Variants in TOGARAM1 observed in about 807,000 individuals in gnomAD.
The protein encoded by TOGARAM1 is TOG array regulator of axonemal microtubules protein 1.
A neutral mutation model predicts 166.6 loss-of-function variants in TOGARAM1; 100 were observed. The ratio of observed to expected loss-of-function variants is 0.60; its 90% CI spans 0.51 to 0.71. The LOEUF (loss-of-function observed/expected upper bound fraction) is 0.71. Among genes scored for constraint, TOGARAM1 ranks in the 30% least tolerant of loss-of-function variants. TOGARAM1 has a pLI of 0.00. For synonymous variants in TOGARAM1, 758 were observed against 763.8 expected (o/e 0.99, Z 0.13); for missense variants, 2,029 against 2,102.7 (o/e 0.96, Z 0.69).
rs1442706350 is a variant in TOGARAM1, at chr14:44,969,134, C to CTTCCTTCT, written c.2046+4674_2046+4675insTTTCCTTC. 2.7e-3 allele frequency among the ~76,000 whole-genome samples: 364 copies of CTTCCTTCT among 136,996 alleles called. 2 individuals are homozygous for CTTCCTTCT. Among genetic ancestry groups the CTTCCTTCT allele is most frequent in the African/African-American group, 0.01 (348 of 33,690 alleles). The allele number at this position is 136,996 out of a possible 152,430, so 89.9% of individuals were successfully genotyped here. On this transcript the variant is annotated intron_variant, in intron 1 of 19. Coordinates refer to ENST00000361462, the MANE Select transcript of TOGARAM1 (RefSeq NM_001308120.2). ...CTTTCCTTCCTTCCTTCCTTCCTTCCTTCCTTCCTTCCTTTCTTTCTTTCT... is the reference window on the plus strand; with the variant it reads ...CTTTCCTTCCTTCCTTCCTTCCTTCCTTCCTTCTTTCCTTCCTTCCTTTCTTTCTTTCT...
At chr14:44,998,590 G>A (rs980107056) in intron 2 of TOGARAM1, among the ~76,000 whole-genome samples, 2 of 151,950 alleles carry the variant, frequency 1.3e-5, no homozygotes, top group Non-Finnish European at 2.9e-5. Flanking sequence ...CCAAGTTTGC[G>A]CCACCGCATT....
intron 10 of TOGARAM1, among the ~76,000 whole-genome samples, chr14:45,029,444 T>C (rs1291084276): frequency 6.6e-6 from 1 of 152,242 alleles, no homozygotes; most frequent in Non-Finnish European, 1.5e-5. Flanking sequence ...TTCTGAGAAG[T>C]ATAAGGAGAG....
At position 44,964,473 on chromosome 14, in the gene TOGARAM1, C is replaced by G. The variant is rs746929077; in HGVS notation, c.2046+6C>G. 4.6e-6 allele frequency: 7 copies of G among 1,528,178 alleles called. No individual in the cohort carries two copies. In the East Asian group the frequency reaches 1.6e-4, roughly 35 times the overall value. The allele number at this position is 1,528,178 out of a possible 1,614,324, so 94.7% of individuals were successfully genotyped here. A position where few individuals can be genotyped will look rare whatever the true frequency, so the allele number is the denominator to read the frequency against. On this transcript the variant is annotated splice_donor_region_variant and intron_variant, in intron 1 of 19. Transcript: ENST00000361462. Reference sequence around the variant, plus strand: ...CTTCCAAGGATATAGAGCAGGTATGCTTCTCTAATTTTCTTGAGTCGAAAG... The same window carrying G: ...CTTCCAAGGATATAGAGCAGGTATGGTTCTCTAATTTTCTTGAGTCGAAAG...
chr14:44,964,989 C>T (rs549750232), intron 1 of TOGARAM1, among the ~76,000 whole-genome samples: 60 of 147,580 alleles, frequency 4.1e-4, no homozygotes, highest in African/African-American at 1.4e-3. Context: ...AAGAAAAAGC[C>T]TCCACAGAAG....
rs1398148474 is a variant in TOGARAM1 at position 45,012,016 on chromosome 14, C to T, written c.3179C>T (p.Thr1060Ile). Residue 1060 changes from threonine to isoleucine, a missense_variant, in exon 7 of 20, where the codon ACA becomes ATA. Physicochemically the swap from Thr to Ile is moderately conservative, Grantham distance 89. This residue lies in a region of TOGARAM1 where 1,453 missense variants were observed against 1,432.2 expected (regional missense o/e 1.01). Coordinates refer to ENST00000361462, the MANE Select transcript of TOGARAM1 (RefSeq NM_001308120.2). ...FPTFGSKPCPTRLSSAKKKIS... is the reference protein window; with the variant it reads ...FPTFGSKPCPIRLSSAKKKIS... ...ACATTTGGGTCAAAACCTTGTCCAACAAGACTTTCTTCTGCAAAGAAAAAA... is the reference window on the plus strand; with the variant it reads ...ACATTTGGGTCAAAACCTTGTCCAATAAGACTTTCTTCTGCAAAGAAAAAA... 1.1e-5 allele frequency: 17 copies of T among 1,611,552 alleles called. No homozygotes were observed. The highest frequency in any genetic ancestry group is 1.4e-5 in the Non-Finnish European group (17 of 1,179,030).
intron 1 of TOGARAM1, chr14:44,995,476 C>T (rs1312888057): frequency 2.0e-6 from 1 of 488,370 alleles, no homozygotes; most frequent in African/African-American, 1.9e-5. Context: ...TTCTCTCCTT[C>T]CTTGTTGCCA....
intron 1 of TOGARAM1, among the ~76,000 whole-genome samples, chr14:44,994,309 G>T (rs1887306542): frequency 6.6e-6 from 1 of 152,018 alleles, no homozygotes; most frequent in African/African-American, 2.4e-5. Flanking sequence ...ACTATGGATG[G>T]GGTTTCACCA....
At chr14:44,970,561 A>G (rs921215487) in intron 1 of TOGARAM1, among the ~76,000 whole-genome samples, 3 of 152,118 alleles carry the variant, frequency 2.0e-5, no homozygotes, top group African/African-American at 7.2e-5. Flanking sequence ...CATTAGTTTG[A>G]ACTTCCAATA....
intron 1 of TOGARAM1, among the ~76,000 whole-genome samples, chr14:44,966,002 G>C (rs531348937): frequency 6.6e-6 from 1 of 151,136 alleles, no homozygotes; most frequent in South Asian, 2.1e-4. Context: ...AGTGTCCTGA[G>C]TAGCTGAGAT....
chr14:45,062,229 C>T (rs1822562939), intron 16 of TOGARAM1, among the ~76,000 whole-genome samples: 1 of 151,940 alleles, frequency 6.6e-6, no homozygotes, highest in Non-Finnish European at 1.5e-5. Flanking sequence ...ATTGACATCC[C>T]CAATGTATTT....
chr14:45,062,858 C>T lies in TOGARAM1; in HGVS notation c.4560-3720C>T, dbSNP rs556883504. Among the ~76,000 whole-genome samples, 7 of 152,210 alleles carry T rather than the reference C, an allele frequency of 4.6e-5. No homozygotes were observed. In the South Asian group the frequency reaches 1.0e-3, roughly 23 times the overall value. On this transcript the variant is annotated intron_variant, in intron 16 of 19. Coordinates refer to ENST00000361462, the MANE Select transcript of TOGARAM1 (RefSeq NM_001308120.2). ...ATCGGGATGTAACTCCATTGCAAATCGAGGAGCATGAGTATATTCATTGAG... is the reference window on the plus strand; with the variant it reads ...ATCGGGATGTAACTCCATTGCAAATTGAGGAGCATGAGTATATTCATTGAG...
rs901763272 is a variant in TOGARAM1, at chr14:45,052,104, T to C, written c.4314-332T>C. On this transcript the variant is annotated intron_variant, in intron 14 of 19. Coordinates refer to ENST00000361462, the MANE Select transcript of TOGARAM1 (RefSeq NM_001308120.2). ...AGTGGGAGCTGTGGCTCGCTGCTGC[T>C]GCCCAGCATCTTAAAAGAGTGTCAT... is the stretch of plus-strand genomic sequence containing the variant. Among the ~76,000 whole-genome samples, 97 of 152,342 alleles carry C rather than the reference T, an allele frequency of 6.4e-4. 1 individual carries two copies. Among genetic ancestry groups the C allele is most frequent in the African/African-American group, 2.1e-3 (86 of 41,574 alleles).
At position 45,066,568 on chromosome 14, in the gene TOGARAM1, T is replaced by C; in HGVS notation, c.4560-10T>C. The C allele has an allele frequency of 6.3e-7, 1 of 1,576,962 alleles. No homozygotes were observed. The highest frequency in any genetic ancestry group is 8.6e-7 in the Non-Finnish European group (1 of 1,157,774). On this transcript the variant is annotated splice_polypyrimidine_tract_variant and intron_variant, in intron 16 of 19. Transcript: ENST00000361462. Reference sequence around the variant, plus strand: ...CAAATGAAATTACCTTCACCTTTCTTTCACTTTAGAGCTGTAACTGAAGTT... The same window carrying C: ...CAAATGAAATTACCTTCACCTTTCTCTCACTTTAGAGCTGTAACTGAAGTT...
intron 6 of TOGARAM1, 67 bp downstream of exon 6, chr14:45,009,212 A>G (rs1423773854): frequency 6.0e-6 from 7 of 1,170,230 alleles, no homozygotes; most frequent in East Asian, 4.9e-5. Context: ...CCCTAATATC[A>G]TATTTGTAAA....
At chr14:45,025,894 T>A (rs1443353086) in intron 8 of TOGARAM1, 22 bp downstream of exon 8, 3 of 1,274,410 alleles carry the variant, frequency 2.4e-6, no homozygotes, top group Non-Finnish European at 3.4e-6. Context: ...TTATTTCGCT[T>A]CTTAATTATA....
chr14:44,971,610 T>G (rs543941429), intron 1 of TOGARAM1, among the ~76,000 whole-genome samples: 2 of 152,316 alleles, frequency 1.3e-5, no homozygotes, highest in South Asian at 4.1e-4. Flanking sequence ...TTGCTCTTCC[T>G]TTGTTAGTTT....
chr14:44,969,158 C>G (rs1478972121), intron 1 of TOGARAM1, among the ~76,000 whole-genome samples: 1 of 127,472 alleles, frequency 7.8e-6, no homozygotes, highest in Non-Finnish European at 1.6e-5. Context: ...TTCTTTCTTT[C>G]TTTTCTTTCT....
chr14:45,070,817 T>C (rs1225354723), intron 18 of TOGARAM1, among the ~76,000 whole-genome samples: 1 of 152,254 alleles, frequency 6.6e-6, no homozygotes, highest in Non-Finnish European at 1.5e-5. Flanking sequence ...AGGACCTGTA[T>C]ATAATCTTTG....
chr14:45,066,693 C>T lies in TOGARAM1; in HGVS notation c.4675C>T (p.Arg1559Cys), dbSNP rs1883152458. 13 of 1,613,640 alleles carry T rather than the reference C, an allele frequency of 8.1e-6. No individual in the cohort carries two copies. The highest frequency in any genetic ancestry group is 1.3e-5 in the African/African-American group (1 of 74,882). Residue 1559 changes from arginine (R) to cysteine (C), a missense_variant, in exon 17 of 20, where the codon CGT becomes TGT. Physicochemically the swap from Arg to Cys is radical, Grantham distance 180. This residue lies in a region of TOGARAM1 where 576 missense variants were observed against 670.5 expected (regional missense o/e 0.86). Coordinates refer to ENST00000361462, the MANE Select transcript of TOGARAM1 (RefSeq NM_001308120.2). ...GLLNAKDFRD[R>C]INGIKQLLSD... The stretch of plus-strand genomic sequence containing the variant: ...ATTAAATGCAAAAGACTTTCGTGAT[C>T]GTATTAATGGGATTAAGCAGCTTTT...
Sources: allele counts gnomAD v4.1 joint callset (sites outside exome capture counted in the v4.1 genomes callset), GRCh38; gene constraint gnomAD v4.1.1; regional missense constraint gnomAD v4.1.1; transcripts MANE v1.5; gene names NCBI Gene and HGNC (gene_info 2026-07-23, HGNC 2026-07-21).